PTPRO: variants seen among roughly 807,000 people sequenced by gnomAD.
The protein encoded by PTPRO is receptor-type tyrosine-protein phosphatase O.
PTPRO carries 62 observed loss-of-function variants against 145.2 expected under a neutral mutation model. The observed-to-expected ratio is 0.43, with a 90% CI of 0.35 to 0.53. The LOEUF is 0.53. PTPRO is among the 20% of genes least tolerant of loss of function. The pLI, the probability that PTPRO is intolerant of heterozygous loss-of-function variation, is 0.01. For synonymous variants in PTPRO, 565 were observed against 514.7 expected (o/e 1.10, Z -1.32); for missense variants, 1,345 against 1,482.7 (o/e 0.91, Z 1.53).
intron 1 of PTPRO, among the ~76,000 whole-genome samples, chr12:15,358,944 C>G (rs952089120): frequency 6.6e-6 from 1 of 152,198 alleles, no homozygotes; most frequent in Non-Finnish European, 1.5e-5. Flanking sequence ...TTGTTTCCTC[C>G]TGCTTTTTAT....
At chr12:15,428,354 A>C (rs968392869) in intron 1 of PTPRO, among the ~76,000 whole-genome samples, 1 of 152,174 alleles carries the variant, frequency 6.6e-6, no homozygotes, top group African/African-American at 2.4e-5. Flanking sequence ...AAGGCAAAGC[A>C]TAGAGGTCAT....
chr12:15,349,231 G>T (rs990461917), intron 1 of PTPRO, among the ~76,000 whole-genome samples: 2 of 152,102 alleles, frequency 1.3e-5, no homozygotes, highest in African/African-American at 4.8e-5. Context: ...TTTAAGATGG[G>T]TCCTTAAGTA....
intron 1 of PTPRO, among the ~76,000 whole-genome samples, chr12:15,350,433 C>T (rs939563955): frequency 6.6e-6 from 1 of 152,170 alleles, no homozygotes; most frequent in African/African-American, 2.4e-5. Flanking sequence ...AATGAGCATA[C>T]TGACTTCCCA....
At chr12:15,565,496 G>A (rs1943874595) in intron 17 of PTPRO, 97 bp from the exon 18 acceptor site, 7 of 778,726 alleles carry the variant, frequency 9.0e-6, no homozygotes, top group Non-Finnish European at 1.6e-5. Context: ...TAAAACTGAG[G>A]TACCTGATGT....
intron 1 of PTPRO, among the ~76,000 whole-genome samples, chr12:15,387,583 T>G (rs1591765582): frequency 1.3e-5 from 2 of 152,316 alleles, no homozygotes; most frequent in South Asian, 4.1e-4. Flanking sequence ...TTCCTCTATG[T>G]CCCCTTAGTA....
At chr12:15,520,129 A>G in intron 9 of PTPRO, 72 bp from the exon 10 acceptor site, 1 of 978,426 alleles carries the variant, frequency 1.0e-6, no homozygotes, top group Non-Finnish European at 1.6e-6. Context: ...ATTTTTTATG[A>G]AAGTAAGTCT....
chr12:15,426,080 A>G (rs1473943787), intron 1 of PTPRO, among the ~76,000 whole-genome samples: 1 of 151,492 alleles, frequency 6.6e-6, no homozygotes, highest in Non-Finnish European at 1.5e-5. Context: ...TTCATTTATT[A>G]AGGTCTTTCT....
chr12:15,548,528 ATGTGTGTGTGTG>A (rs34372542), intron 13 of PTPRO, among the ~76,000 whole-genome samples: 38 of 149,336 alleles, frequency 2.5e-4, no homozygotes, highest in African/African-American at 8.6e-4. Context: ...GTGTATATAT[ATGTGTGTGTGTG>A]TGTGTGTGTG....
intron 1 of PTPRO, chr12:15,440,347 G>A: frequency 2.3e-6 from 1 of 435,884 alleles, no homozygotes; most frequent in Non-Finnish European, 4.1e-6. Context: ...ACTTCTTCAA[G>A]ACCCACACCA....
intron 17 of PTPRO, among the ~76,000 whole-genome samples, chr12:15,564,859 A>G (rs1943858349): frequency 6.6e-6 from 1 of 152,214 alleles, no homozygotes; most frequent in South Asian, 2.1e-4. Flanking sequence ...AAGTGCTTCA[A>G]TAGATACTGT....
At chr12:15,437,120 G>A (rs1168637342) in intron 1 of PTPRO, among the ~76,000 whole-genome samples, 4 of 151,658 alleles carry the variant, frequency 2.6e-5, no homozygotes, top group Admixed American at 2.6e-4. Flanking sequence ...GTGGTACAGA[G>A]AGGGTCTCTG....
In PTPRO at chr12:15,551,567, C is replaced by T; in HGVS notation, c.2454C>T (p.Pro818=). 1 of 1,613,566 alleles carries T rather than the reference C, an allele frequency of 6.2e-7. No individual in the cohort carries two copies. The highest frequency in any genetic ancestry group is 2.2e-5 in the East Asian group (1 of 44,846). The change falls in exon 15 of 27, where the codon CCC becomes CCT. Residue 818 remains proline (P), a synonymous_variant. Transcript: ENST00000281171. ...AVSTMVTEMN[P]NVVVISVLAI... is the part of the protein sequence containing the mutation. ...TCTCTTTAGTTACAGAGATGAATCC[C>T]AATGTGGTAGTGATCTCCGTGCTGG...
intron 6 of PTPRO, among the ~76,000 whole-genome samples, chr12:15,504,845 C>T (rs1273551871): frequency 6.6e-6 from 1 of 152,148 alleles, no homozygotes; most frequent in Admixed American, 6.6e-5. Flanking sequence ...TACCACCTTT[C>T]GTTGAAGGAC....
intron 11 of PTPRO, 24 bp from the exon 12 acceptor site, chr12:15,526,118 C>T (rs1163896724): frequency 3.1e-6 from 5 of 1,613,554 alleles, no homozygotes; most frequent in African/African-American, 1.3e-5. Flanking sequence ...AAAGTTTAAA[C>T]CCTTGATTTT....
chr12:15,486,684 A>G (rs766502533), intron 2 of PTPRO, among the ~76,000 whole-genome samples: 1 of 152,022 alleles, frequency 6.6e-6, no homozygotes, highest in East Asian at 1.9e-4. Context: ...ATCAATATAC[A>G]TATTTACACA....
intron 10 of PTPRO, among the ~76,000 whole-genome samples, chr12:15,521,567 G>A (rs1942722422): frequency 6.6e-6 from 1 of 152,132 alleles, no homozygotes; most frequent in Non-Finnish European, 1.5e-5. Context: ...AAGCTCAGAT[G>A]TAACATCTCA....
chr12:15,506,740 G>A (rs1024262464), intron 6 of PTPRO, among the ~76,000 whole-genome samples: 1 of 152,110 alleles, frequency 6.6e-6, no homozygotes, highest in African/African-American at 2.4e-5. Context: ...ATTACAATTC[G>A]AGATGATATT....
At chr12:15,442,041 A>C (rs1238752106) in intron 1 of PTPRO, among the ~76,000 whole-genome samples, 1 of 152,112 alleles carries the variant, frequency 6.6e-6, no homozygotes, top group African/African-American at 2.4e-5. Flanking sequence ...GCAAAGACAC[A>C]ATGAAAAAAA....
intron 1 of PTPRO, among the ~76,000 whole-genome samples, chr12:15,351,639 G>T (rs944449259): frequency 6.6e-6 from 1 of 152,164 alleles, no homozygotes. Flanking sequence ...AGTAAAGAAG[G>T]TAGAGGAGAA....
Sources: gnomAD v4.1 joint callset for allele counts (sites outside exome capture counted in the v4.1 genomes callset) on GRCh38, gnomAD v4.1.1 for gene constraint, MANE v1.5 for transcripts, NCBI Gene and HGNC (gene_info 2026-07-23, HGNC 2026-07-21) for gene names.